FRY: variants seen among roughly 807,000 people sequenced by gnomAD.
The protein encoded by FRY is protein furry homolog.
FRY carries 128 observed loss-of-function variants against 348.4 expected under a neutral mutation model. The observed-to-expected ratio is 0.37, with a 90% CI of 0.32 to 0.43. FRY has a LOEUF of 0.43. Ranked by LOEUF, FRY falls within the 20% of genes least tolerant of loss-of-function variation. FRY has a pLI of 1.00. For synonymous variants in FRY, 1,370 were observed against 1,374.7 expected (o/e 1.00, Z 0.08); for missense variants, 2,736 against 3,695.2 (o/e 0.74, Z 6.73).
chr13:32,266,772 C>A (rs955617038), intron 54 of FRY, among the ~76,000 whole-genome samples: 5 of 152,140 alleles, frequency 3.3e-5, no homozygotes, highest in Non-Finnish European at 5.9e-5. Context: ...TCACTTGAGG[C>A]CAGGAATTCA....
chr13:32,108,792 G>T (rs1877748211), intron 3 of FRY, among the ~76,000 whole-genome samples: 1 of 152,172 alleles, frequency 6.6e-6, no homozygotes, highest in Non-Finnish European at 1.5e-5. Context: ...GCATTGACAG[G>T]TATAGAGCCC....
At chr13:32,113,540 A>G (rs1407958881) in intron 3 of FRY, among the ~76,000 whole-genome samples, 3 of 152,250 alleles carry the variant, frequency 2.0e-5, no homozygotes, top group African/African-American at 7.2e-5. Flanking sequence ...AAACACAAGT[A>G]TGAAATAGTC....
At chr13:32,035,622 A>T (rs1872469993) in intron 1 of FRY, among the ~76,000 whole-genome samples, 1 of 152,346 alleles carries the variant, frequency 6.6e-6, no homozygotes, top group Admixed American at 6.5e-5. Flanking sequence ...AGGATGCCTG[A>T]TGAACACACA....
chr13:32,090,144 C>T lies in FRY; in HGVS notation c.270+11111C>T, dbSNP rs535571545. Among the ~76,000 whole-genome samples, 398 of 151,762 alleles carry T rather than the reference C, an allele frequency of 2.6e-3. 1 individual carries two copies. The highest frequency in any genetic ancestry group is 9.2e-3 in the African/African-American group (382 of 41,390). Reference sequence around the variant, plus strand: ...CGGGTGGATCACGAGGTCAGGAGCTCAAGACCATCCTGGCTAACACGGTGG... The same window carrying T: ...CGGGTGGATCACGAGGTCAGGAGCTTAAGACCATCCTGGCTAACACGGTGG... On this transcript the variant is annotated intron_variant, in intron 2 of 60. Coordinates refer to ENST00000542859, the MANE Select transcript of FRY (RefSeq NM_023037.3).
chr13:32,194,111 G>A (rs767172214), intron 28 of FRY, 32 bp from the exon 29 acceptor site: 1 of 1,592,014 alleles, frequency 6.3e-7, no homozygotes, highest in Non-Finnish European at 8.6e-7. Context: ...TTCATCAAAT[G>A]GGAATAATAT....
Position 32,173,364 on chromosome 13 carries a change from C to T in FRY, c.2152-3C>T, listed in dbSNP as rs1429968676. ...ACAGAATGTTGTTCTTATTGCATAA[C>T]AGCTCATCGCAAATGGCTCCAGTCA... is the stretch of plus-strand genomic sequence containing the variant. On this transcript the variant is annotated splice_region_variant and splice_polypyrimidine_tract_variant and intron_variant, in intron 18 of 60. Transcript: ENST00000542859. 1.7e-5 allele frequency: 28 copies of T among 1,607,768 alleles called. No individual in the cohort carries two copies. The highest frequency in any genetic ancestry group is 2.1e-5 in the Non-Finnish European group (25 of 1,176,020).
At chr13:32,091,127 T>G (rs191693571) in intron 2 of FRY, among the ~76,000 whole-genome samples, 3 of 152,362 alleles carry the variant, frequency 2.0e-5, no homozygotes, top group African/African-American at 7.2e-5. Context: ...AAATTCATTT[T>G]AATAACTAAA....
At chr13:32,228,178 T>C (rs1395747853) in intron 39 of FRY, among the ~76,000 whole-genome samples, 1 of 152,232 alleles carries the variant, frequency 6.6e-6, no homozygotes, top group Non-Finnish European at 1.5e-5. Context: ...CATACATACC[T>C]TCCTTTTATA....
chr13:32,084,575 T>G (rs1875729883), intron 2 of FRY, among the ~76,000 whole-genome samples: 1 of 152,198 alleles, frequency 6.6e-6, no homozygotes, highest in South Asian at 2.1e-4. Context: ...ATAAAACAAC[T>G]TATACGTATC....
At chr13:32,166,788 A>G (rs798978) in intron 17 of FRY, among the ~76,000 whole-genome samples, 76,284 of 151,930 alleles carry the variant, frequency 0.5, 19,901 homozygotes, top group African/African-American at 0.66. Context: ...ATTTCCATTC[A>G]GTCTCAGTTC....
intron 17 of FRY, among the ~76,000 whole-genome samples, chr13:32,164,315 C>T (rs74499797): frequency 0.022 from 3,351 of 152,236 alleles, 55 homozygotes; most frequent in Non-Finnish European, 0.033. Context: ...CAGTCTCATC[C>T]GTGGTACACT....
chr13:32,261,750 G>A lies in FRY; in HGVS notation c.7551G>A (p.Glu2517=), dbSNP rs144509680. 1 of 1,614,150 alleles carries A rather than the reference G, an allele frequency of 6.2e-7. No individual in the cohort carries two copies. Among genetic ancestry groups the A allele is most frequent in the Non-Finnish European group, 8.5e-7 (1 of 1,180,022 alleles). ...CTAGCCTGAATAAAATGCACCATGA[G>A]GACTCCGATGAATCATCCGAGGAGG... ...STPSLNKMHH[E]DSDESSEEED... is the part of the protein sequence containing the mutation. Residue 2517 remains glutamate, a synonymous_variant, in exon 52 of 61, where the codon GAG becomes GAA. Coordinates refer to ENST00000542859, the MANE Select transcript of FRY (RefSeq NM_023037.3).
chr13:32,294,619 G>C, intron 60 of FRY, 49 bp downstream of exon 60: 2 of 1,355,780 alleles, frequency 1.5e-6, no homozygotes, highest in Non-Finnish European at 1.1e-6. Flanking sequence ...TGCACACCTG[G>C]TTGTTACTCT....
At chr13:32,182,613 A>G (rs943542386) in intron 23 of FRY, among the ~76,000 whole-genome samples, 2 of 152,202 alleles carry the variant, frequency 1.3e-5, no homozygotes, top group East Asian at 3.9e-4. Flanking sequence ...AAGTGCTTGA[A>G]TTTAGCAAAT....
chr13:32,289,453 G>A (rs143202712), intron 58 of FRY, among the ~76,000 whole-genome samples, 180 bp from the exon 59 acceptor site: 35 of 152,018 alleles, frequency 2.3e-4, no homozygotes, highest in African/African-American at 7.2e-4. Flanking sequence ...AAATTATACC[G>A]TGGATTTCTC....
At chr13:32,208,637 A>G (rs916393507) in intron 31 of FRY, among the ~76,000 whole-genome samples, 4 of 152,242 alleles carry the variant, frequency 2.6e-5, no homozygotes, top group African/African-American at 4.8e-5. Context: ...CTTGCCCCAC[A>G]GTGCTATACA....
chr13:32,102,754 G>A (rs763391448), intron 3 of FRY, among the ~76,000 whole-genome samples: 1 of 152,110 alleles, frequency 6.6e-6, no homozygotes, highest in Non-Finnish European at 1.5e-5. Context: ...TAAAAATGAT[G>A]GATAACAGGA....
chr13:32,129,883 A>G (rs935581154), intron 7 of FRY, among the ~76,000 whole-genome samples: 2 of 152,106 alleles, frequency 1.3e-5, no homozygotes, highest in Non-Finnish European at 2.9e-5. Flanking sequence ...CTCACGCCCC[A>G]CTTGCCAACC....
chr13:32,182,884 C>G (rs1882797277), intron 23 of FRY, 93 bp from the exon 24 acceptor site: 2 of 794,028 alleles, frequency 2.5e-6, no homozygotes, highest in Non-Finnish European at 2.2e-6. Flanking sequence ...GTGTAAAAAG[C>G]AAGTGATTTG....
Sources: allele counts gnomAD v4.1 joint callset (sites outside exome capture counted in the v4.1 genomes callset), GRCh38; gene constraint gnomAD v4.1.1; transcripts MANE v1.5; gene names NCBI Gene and HGNC (gene_info 2026-07-23, HGNC 2026-07-21).